The following RARB variants were observed in gnomAD, a reference collection of about 807,000 sequenced individuals.
RARB encodes retinoic acid receptor beta.
A neutral mutation model predicts 51.9 loss-of-function variants in RARB; 17 were observed. The ratio of observed to expected loss-of-function variants is 0.33; its 90% CI spans 0.22 to 0.49. RARB has a LOEUF of 0.49. RARB is among the 20% of genes least tolerant of loss of function. RARB has a pLI of 0.99. For synonymous variants in RARB, 215 were observed against 195.4 expected, an observed-to-expected ratio of 1.10 and a Z score of -0.84; for missense variants, 369 against 550.8, an observed-to-expected ratio of 0.67 and a Z score of 3.30.
intron 3 of RARB, among the ~76,000 whole-genome samples, chr3:25,513,115 T>TAA (rs11420573): frequency 0.097 from 9,509 of 98,394 alleles, 644 homozygotes; most frequent in African/African-American, 0.2. Context: ...CTGTCTTTAC[T>TAA]AAAAAAAAAA....
chr3:25,362,600 G>A (rs2125464928), intron 5 of RARB, among the ~76,000 whole-genome samples: 1 of 152,308 alleles, frequency 6.6e-6, no homozygotes, highest in Middle Eastern at 3.4e-3. Flanking sequence ...GCACTTGTGG[G>A]GTAGGCACCT....
intron 5 of RARB, among the ~76,000 whole-genome samples, chr3:25,358,607 G>T (rs1705826249): frequency 6.6e-6 from 1 of 152,168 alleles, no homozygotes; most frequent in South Asian, 2.1e-4. Flanking sequence ...TATGATATTG[G>T]CTGTGCGTTC....
intron 4 of RARB, among the ~76,000 whole-genome samples, chr3:25,167,658 C>T (rs1165671454): frequency 6.6e-6 from 1 of 152,174 alleles, no homozygotes; most frequent in Non-Finnish European, 1.5e-5. Context: ...TAACCCATCC[C>T]TGGTAAGAAA....
At chr3:25,217,938 C>A (rs1264318216) in intron 5 of RARB, among the ~76,000 whole-genome samples, 2 of 152,076 alleles carry the variant, frequency 1.3e-5, no homozygotes, top group African/African-American at 2.4e-5. Flanking sequence ...GCAACATGTT[C>A]AAAGATTTAA....
chr3:25,015,496 A>G (rs960227706), intron 2 of RARB, among the ~76,000 whole-genome samples: 3 of 152,142 alleles, frequency 2.0e-5, no homozygotes, highest in Non-Finnish European at 4.4e-5. Context: ...TTTTATGTGT[A>G]AGATTTTAGT....
chr3:25,194,147 G>A (rs973098361), intron 5 of RARB, among the ~76,000 whole-genome samples: 12 of 151,734 alleles, frequency 7.9e-5, no homozygotes, highest in Admixed American at 4.6e-4. Flanking sequence ...AGTGAAATAA[G>A]CCAGACATAG....
chr3:24,974,466 T>G (rs1332278761), intron 2 of RARB, among the ~76,000 whole-genome samples: 1 of 152,100 alleles, frequency 6.6e-6, no homozygotes, highest in East Asian at 1.9e-4. Flanking sequence ...TTTTTCACAT[T>G]GTCTTTCTTG....
At chr3:25,444,226 C>G (rs1283193694) in intron 1 of RARB, among the ~76,000 whole-genome samples, 1 of 152,170 alleles carries the variant, frequency 6.6e-6, no homozygotes, top group Non-Finnish European at 1.5e-5. Flanking sequence ...TACCTTGAAT[C>G]TCCCGAGTAG....
upstream of RARB, among the ~76,000 whole-genome samples, chr3:25,423,663 G>A (rs1055815325): frequency 1.3e-5 from 2 of 152,138 alleles, no homozygotes; most frequent in East Asian, 1.9e-4. Flanking sequence ...GAATTTTTAT[G>A]AGCATGTATT....
At chr3:25,391,281 T>C (rs1706948881) in intron 5 of RARB, among the ~76,000 whole-genome samples, 1 of 152,212 alleles carries the variant, frequency 6.6e-6, no homozygotes, top group Non-Finnish European at 1.5e-5. Context: ...ATATTTTCTT[T>C]ATCTACTCAT....
intron 2 of RARB, among the ~76,000 whole-genome samples, chr3:24,964,744 T>C (rs1696216635): frequency 6.6e-6 from 1 of 152,186 alleles, no homozygotes; most frequent in South Asian, 2.1e-4. Context: ...GGTAGACATG[T>C]ACCTGAGCAA....
chr3:25,447,904 G>A (rs931069689), intron 1 of RARB, among the ~76,000 whole-genome samples: 1 of 151,998 alleles, frequency 6.6e-6, no homozygotes, highest in Admixed American at 6.5e-5. Context: ...GGGAAAGAAG[G>A]GAAGGTGAAT....
At chr3:25,559,595 C>A (rs912542138) in intron 3 of RARB, among the ~76,000 whole-genome samples, 3 of 152,112 alleles carry the variant, frequency 2.0e-5, no homozygotes, top group African/African-American at 7.2e-5. Context: ...TAATGGCAAA[C>A]AAAGTGTAAG....
intron 4 of RARB, among the ~76,000 whole-genome samples, chr3:25,146,181 C>G (rs1575181305): frequency 2.0e-5 from 3 of 152,236 alleles, no homozygotes; most frequent in African/African-American, 4.8e-5. Context: ...GATTAAGGAG[C>G]TAATAGAGAC....
At position 25,334,852 on chromosome 3, in the gene RARB, A is replaced by G. The variant is rs113933457; in HGVS notation, c.179-126341A>G. Reference sequence around the variant, plus strand: ...TGTATGTATATTACTTTCACAAAGAAATTTAAAAGAAATATTCATCATGGC... The same window carrying G: ...TGTATGTATATTACTTTCACAAAGAGATTTAAAAGAAATATTCATCATGGC... On this transcript the variant is annotated intron_variant, in intron 5 of 11. Coordinates refer to the RARB transcript ENST00000383772. Among the ~76,000 whole-genome samples the G allele has an allele frequency of 7.5e-3, 1,139 of 152,330 alleles. 10 individuals are homozygous for G. The highest frequency in any genetic ancestry group is 0.024 in the African/African-American group (996 of 41,566).
At chr3:25,120,860 G>A (rs1437707081) in intron 3 of RARB, among the ~76,000 whole-genome samples, 1 of 152,018 alleles carries the variant, frequency 6.6e-6, no homozygotes, top group Non-Finnish European at 1.5e-5. Flanking sequence ...CTGCAAATAA[G>A]CCACACCCGT....
chr3:25,047,013 A>C (rs773011406), intron 2 of RARB, among the ~76,000 whole-genome samples: 1 of 151,952 alleles, frequency 6.6e-6, no homozygotes, highest in Non-Finnish European at 1.5e-5. Flanking sequence ...TTTTTCTTCA[A>C]ATTTATTTGT....
intron 5 of RARB, among the ~76,000 whole-genome samples, chr3:25,261,194 T>A (rs1054450890): frequency 3.3e-5 from 5 of 152,270 alleles, no homozygotes; most frequent in Admixed American, 3.3e-4. Context: ...GCTATTGTCA[T>A]CATTATTGTA....
intron 2 of RARB, among the ~76,000 whole-genome samples, chr3:24,985,951 A>G (rs887564208): frequency 6.6e-6 from 1 of 152,264 alleles, no homozygotes; most frequent in Non-Finnish European, 1.5e-5. Context: ...ACAGAGACTT[A>G]GCGCTCATCT....
Sources: gnomAD v4.1 joint callset for allele counts (sites outside exome capture counted in the v4.1 genomes callset) on GRCh38, gnomAD v4.1.1 for gene constraint, MANE v1.5 for transcripts, NCBI Gene and HGNC (gene_info 2026-07-23, HGNC 2026-07-21) for gene names.